Variants in ZFHX3 observed in about 807,000 individuals in gnomAD.
The protein encoded by ZFHX3 is zinc finger homeobox 3.
Under a neutral mutation model 279.1 loss-of-function variants are expected in ZFHX3, and 42 were observed. That is an observed-to-expected ratio of 0.15 (90% CI 0.12 to 0.19). ZFHX3 has a LOEUF of 0.19. Among genes scored for constraint, ZFHX3 ranks in the 10% least tolerant of loss-of-function variants. The pLI, the probability that ZFHX3 is intolerant of heterozygous loss-of-function variation, is 1.00. For synonymous variants in ZFHX3, 2,293 were observed against 1,957.8 expected (o/e 1.17, Z -4.52); for missense variants, 4,981 against 4,754.0 (o/e 1.05, Z -1.40).
At chr16:73,546,941 A>C (rs1326525220) in intron 2 of ZFHX3, among the ~76,000 whole-genome samples, 1 of 151,650 alleles carries the variant, frequency 6.6e-6, no homozygotes, top group East Asian at 1.9e-4. Flanking sequence ...CCTCCGACCC[A>C]CCCCTACCCC....
intron 1 of ZFHX3, among the ~76,000 whole-genome samples, chr16:73,024,130 G>A (rs1370617819): frequency 6.6e-6 from 1 of 152,184 alleles, no homozygotes; most frequent in African/African-American, 2.4e-5. Flanking sequence ...TGGAGACAAG[G>A]TAAAGTCCAC....
At chr16:73,623,287 C>G (rs1203555332) in intron 2 of ZFHX3, among the ~76,000 whole-genome samples, 1 of 152,082 alleles carries the variant, frequency 6.6e-6, no homozygotes, top group African/African-American at 2.4e-5. Flanking sequence ...CCGCCCGCCT[C>G]GGCCTCCCAA....
intron 1 of ZFHX3, among the ~76,000 whole-genome samples, chr16:73,001,707 C>T (rs993336158): frequency 6.6e-6 from 1 of 151,758 alleles, no homozygotes; most frequent in African/African-American, 2.4e-5. Context: ...GTCGTCCCAG[C>T]TATTCAGGAG....
chr16:72,854,771 G>A (rs1466805250), intron 4 of ZFHX3, among the ~76,000 whole-genome samples: 2 of 152,034 alleles, frequency 1.3e-5, no homozygotes, highest in East Asian at 1.9e-4. Flanking sequence ...GAGCCCGATT[G>A]AGCCTCATTA....
At chr16:73,064,697 G>A (rs1229705007), upstream of ZFHX3, among the ~76,000 whole-genome samples, 1 of 152,144 alleles carries the variant, frequency 6.6e-6, no homozygotes, top group African/African-American at 2.4e-5. Context: ...AAATGATAAA[G>A]CCTGCCCTTC....
chr16:73,634,198 T>G (rs565219818), intron 2 of ZFHX3, among the ~76,000 whole-genome samples: 227 of 151,868 alleles, frequency 1.5e-3, no homozygotes, highest in Non-Finnish European at 2.4e-3. Context: ...GTATATGTAA[T>G]ATAAAATTGG....
At chr16:73,130,509 G>A (rs571130152) in intron 7 of ZFHX3, among the ~76,000 whole-genome samples, 17 of 152,368 alleles carry the variant, frequency 1.1e-4, no homozygotes, top group East Asian at 3.9e-4. Flanking sequence ...TGACACTGGC[G>A]TGGAGCCAGA....
In ZFHX3 at chr16:73,175,404, A is replaced by AC. The variant is rs5817835; in HGVS notation, c.-1103-31574_-1103-31573insG. ...CCAAAACAAACAAACAAACAAACAA[A>AC]AAAACCACTGGTGGCCCCTGCCTGC... On this transcript the variant is annotated intron_variant, in intron 5 of 17. Coordinates refer to the ZFHX3 transcript ENST00000641206. Among the ~76,000 whole-genome samples the AC allele has an allele frequency of 3.8e-3, 574 of 150,576 alleles. 5 individuals carry two copies. Among genetic ancestry groups the AC allele is most frequent in the African/African-American group, 0.013 (544 of 40,942 alleles).
intron 4 of ZFHX3, among the ~76,000 whole-genome samples, chr16:72,874,999 G>A (rs2038273169): frequency 6.6e-6 from 1 of 152,254 alleles, no homozygotes; most frequent in Non-Finnish European, 1.5e-5. Context: ...CAGGAGAGGT[G>A]TCAGGTCTCT....
chr16:72,929,993 G>A (rs1488843767), intron 3 of ZFHX3, among the ~76,000 whole-genome samples: 3 of 152,186 alleles, frequency 2.0e-5, no homozygotes, highest in South Asian at 2.1e-4. Context: ...CGAAGTGGGC[G>A]GATCACTGGA....
chr16:73,709,287 C>T (rs2053334438), intron 1 of ZFHX3, among the ~76,000 whole-genome samples: 1 of 151,354 alleles, frequency 6.6e-6, no homozygotes, highest in African/African-American at 2.4e-5. Flanking sequence ...ATCACTTGAG[C>T]TCAGGAGTTG....
At chr16:73,349,690 C>A (rs2016195591) in intron 3 of ZFHX3, among the ~76,000 whole-genome samples, 1 of 28,758 alleles carries the variant, frequency 3.5e-5, no homozygotes, top group Non-Finnish European at 7.0e-5. Flanking sequence ...CTCTCCCTCT[C>A]CCTTCCTTCC....
At chr16:72,913,563 T>C (rs1434459769) in intron 3 of ZFHX3, among the ~76,000 whole-genome samples, 1 of 152,206 alleles carries the variant, frequency 6.6e-6, no homozygotes, top group Admixed American at 6.5e-5. Flanking sequence ...ACTGGTGATG[T>C]TGACCTTGAT....
intron 1 of ZFHX3, among the ~76,000 whole-genome samples, chr16:73,775,997 C>G (rs1356124804): frequency 6.6e-6 from 1 of 152,178 alleles, no homozygotes; most frequent in African/African-American, 2.4e-5. Flanking sequence ...GCAAAAGGTA[C>G]TAAATTCTTG....
At chr16:73,328,050 A>G (rs7184074) in intron 3 of ZFHX3, among the ~76,000 whole-genome samples, 36,538 of 152,056 alleles carry the variant, frequency 0.24, 5,087 homozygotes, top group African/African-American at 0.38. Flanking sequence ...CCATTTTCCT[A>G]TGCTTTTTAA....
At position 73,055,300 on chromosome 16, in the gene ZFHX3, G is replaced by A. The variant is rs528066558; in HGVS notation, c.-24+3230C>T. Among the ~76,000 whole-genome samples the A allele has an allele frequency of 1.9e-4, 29 of 152,078 alleles. No individual in the cohort carries two copies. The East Asian group carries it at 5.0e-3, about 26-fold the overall frequency. ...TTTTGTTTTGGATTCGGTATTGTGGGTTTTCTGTTGTTGCTGGGAGCCTAT... is the reference window on the plus strand; with the variant it reads ...TTTTGTTTTGGATTCGGTATTGTGGATTTTCTGTTGTTGCTGGGAGCCTAT... On this transcript the variant is annotated intron_variant, in intron 1 of 8. Coordinates refer to the ZFHX3 transcript ENST00000397992.
intron 7 of ZFHX3, among the ~76,000 whole-genome samples, chr16:73,106,184 A>C (rs775210134): frequency 2.2e-4 from 33 of 152,086 alleles, no homozygotes; most frequent in Non-Finnish European, 3.5e-4. Context: ...ATTAGAGCGC[A>C]AGATCTAGGA....
chr16:73,855,215 C>CT (rs1961694582), intron 1 of ZFHX3, among the ~76,000 whole-genome samples: 1 of 141,292 alleles, frequency 7.1e-6, no homozygotes, highest in Admixed American at 7.2e-5. Context: ...AAGGCGTTAG[C>CT]CTTTTTTTTT....
chr16:73,643,548 G>C (rs1021399178), intron 2 of ZFHX3, among the ~76,000 whole-genome samples: 2 of 152,214 alleles, frequency 1.3e-5, no homozygotes, highest in African/African-American at 4.8e-5. Flanking sequence ...CTTGAACTAT[G>C]CTTTAAACTC....
Sources: allele counts gnomAD v4.1 joint callset (sites outside exome capture counted in the v4.1 genomes callset), GRCh38; gene constraint gnomAD v4.1.1; transcripts MANE v1.5; gene names NCBI Gene and HGNC (gene_info 2026-07-23, HGNC 2026-07-21).